GRM7: variants seen among roughly 807,000 people sequenced by gnomAD.
GRM7 encodes the protein glutamate metabotropic receptor 7.
GRM7 carries 35 observed loss-of-function variants against 84.5 expected under a neutral mutation model. That is an observed-to-expected ratio of 0.41 (90% CI 0.32 to 0.55). The LOEUF is 0.55. Ranked by LOEUF, GRM7 falls within the 20% of genes least tolerant of loss-of-function variation. The pLI is 0.19. For missense variants in GRM7, 1,003 were observed against 1,194.6 expected (o/e 0.84, Z 2.36); for synonymous variants, 487 against 455.1 (o/e 1.07, Z -0.89).
chr3:7,616,943 A>G (rs1452554411), intron 8 of GRM7, among the ~76,000 whole-genome samples: 1 of 152,182 alleles, frequency 6.6e-6, no homozygotes, highest in Non-Finnish European at 1.5e-5. Context: ...ATGGAATTAA[A>G]CTAAGTCTAA....
chr3:7,321,876 T>G (rs146222826), intron 4 of GRM7, among the ~76,000 whole-genome samples: 1 of 152,256 alleles, frequency 6.6e-6, no homozygotes, highest in East Asian at 1.9e-4. Context: ...ATTTCAACTA[T>G]CGACATCATT....
chr3:7,350,969 T>C (rs1439759335), intron 4 of GRM7, among the ~76,000 whole-genome samples: 1 of 152,104 alleles, frequency 6.6e-6, no homozygotes, highest in Non-Finnish European at 1.5e-5. Flanking sequence ...GTAAATCTCC[T>C]TTCATCATTG....
chr3:7,431,702 A>C (rs1696836766), intron 5 of GRM7, among the ~76,000 whole-genome samples: 1 of 152,198 alleles, frequency 6.6e-6, no homozygotes, highest in Non-Finnish European at 1.5e-5. Context: ...TAAGTGAGAT[A>C]ATGAATGTAA....
chr3:7,036,446 G>T (rs1696387399), intron 1 of GRM7, among the ~76,000 whole-genome samples: 1 of 152,020 alleles, frequency 6.6e-6, no homozygotes, highest in Admixed American at 6.6e-5. Flanking sequence ...GATATGGAGG[G>T]TCATCATCTT....
At chr3:7,729,908 T>A (rs191326180) in intron 9 of GRM7, among the ~76,000 whole-genome samples, 1 of 127,170 alleles carries the variant, frequency 7.9e-6, no homozygotes, top group Non-Finnish European at 1.6e-5. Flanking sequence ...GAAGTCTTGC[T>A]CTGTCGCCCA....
rs1268172995 is a variant in GRM7 at position 6,862,102 on chromosome 3, C to G, written c.519+195C>G. ...TGGTTTATTTCCCTTCCATCTCTCC[C>G]CTGTCCACGCTCCACTCCATCCGGC... On this transcript the variant is annotated intron_variant, in intron 1 of 9. Coordinates refer to ENST00000357716, the MANE Select transcript of GRM7 (RefSeq NM_000844.4). The surrounding 1 kb of genome is among the most constrained non-coding windows in gnomAD (Gnocchi z 5.2). 2.0e-5 allele frequency among the ~76,000 whole-genome samples: 3 copies of G among 152,036 alleles called. No homozygotes were observed. Among genetic ancestry groups the G allele is most frequent in the Non-Finnish European group, 4.4e-5 (3 of 68,010 alleles).
At chr3:7,089,384 G>T (rs993038769) in intron 1 of GRM7, among the ~76,000 whole-genome samples, 1 of 152,272 alleles carries the variant, frequency 6.6e-6, no homozygotes, top group Admixed American at 6.5e-5. Context: ...TTTTAAGGCT[G>T]TTTGTGTTTC....
intron 1 of GRM7, among the ~76,000 whole-genome samples, chr3:7,029,682 A>T (rs1039183916): frequency 3.0e-4 from 46 of 152,296 alleles, no homozygotes; most frequent in Middle Eastern, 3.4e-3. Flanking sequence ...AAGTTGAATG[A>T]TGGTTGCTGG....
At chr3:7,059,443 A>G (rs1697352342) in intron 1 of GRM7, among the ~76,000 whole-genome samples, 1 of 151,852 alleles carries the variant, frequency 6.6e-6, no homozygotes. Context: ...CTTTCATTAT[A>G]TGTAAAAACA....
chr3:6,861,153 G>A lies in GRM7; in HGVS notation c.-236G>A, dbSNP rs1171726676. 1.6e-5 allele frequency: 7 copies of A among 429,968 alleles called. No individual in the cohort carries two copies. Among genetic ancestry groups the A allele is most frequent in the Non-Finnish European group, 2.8e-5 (7 of 246,492 alleles). The allele number at this position is 429,968 out of a possible 1,614,324, so 26.6% of individuals were successfully genotyped here. On this transcript the variant is annotated 5_prime_UTR_variant, in exon 1 of 10. Transcript: ENST00000357716. This position sits in a 1 kb window ranked among gnomAD's most constrained non-coding sequence, Gnocchi z 6.4. Reference sequence around the variant, plus strand: ...TGGAGAGAGCGAGCAGCAAGCCGGTGAGCGCGAGCGCGGCGCGCCGGCCGG... The same window carrying A: ...TGGAGAGAGCGAGCAGCAAGCCGGTAAGCGCGAGCGCGGCGCGCCGGCCGG...
chr3:7,015,226 A>C (rs1695521716), intron 1 of GRM7, among the ~76,000 whole-genome samples: 2 of 146,940 alleles, frequency 1.4e-5, no homozygotes, highest in East Asian at 2.0e-4. Context: ...GCTGCTGCTC[A>C]CTCTTTGGGT....
chr3:7,063,966 T>C (rs1697527443), intron 1 of GRM7, among the ~76,000 whole-genome samples: 1 of 148,514 alleles, frequency 6.7e-6, no homozygotes, highest in African/African-American at 2.5e-5. Context: ...GAGCAAAAGG[T>C]GGTGGGTATG....
chr3:7,512,320 GTTA>G lies in GRM7; in HGVS notation c.1515+50604_1515+50606del, dbSNP rs573836007. 2.4e-4 allele frequency among the ~76,000 whole-genome samples: 36 copies of G among 152,252 alleles called. No homozygotes were observed. In the South Asian group the frequency reaches 5.4e-3, roughly 23 times the overall value. On this transcript the variant is annotated intron_variant, in intron 7 of 9. Coordinates refer to ENST00000357716, the MANE Select transcript of GRM7 (RefSeq NM_000844.4). ...AAGCTTGAAAAAAGATGAAAATTCA[GTTA>G]TTATTTTTTAAGTGAAGTGTAATAG...
intron 8 of GRM7, among the ~76,000 whole-genome samples, chr3:7,620,807 C>G (rs1697323178): frequency 6.6e-6 from 1 of 152,108 alleles, no homozygotes; most frequent in Non-Finnish European, 1.5e-5. Flanking sequence ...CATCTTCTTG[C>G]CTGTTACGCT....
chr3:6,962,575 A>C (rs1391674018), intron 1 of GRM7, among the ~76,000 whole-genome samples: 3 of 152,226 alleles, frequency 2.0e-5, no homozygotes, highest in African/African-American at 7.2e-5. Flanking sequence ...ATAATGAATA[A>C]TGATGACATA....
chr3:6,940,306 G>A (rs1469731007), intron 1 of GRM7, among the ~76,000 whole-genome samples: 1 of 152,086 alleles, frequency 6.6e-6, no homozygotes, highest in Non-Finnish European at 1.5e-5. Flanking sequence ...TGGCCAGGAT[G>A]GTCTCGATCT....
At chr3:7,454,215 T>C (rs1697912186) in intron 6 of GRM7, among the ~76,000 whole-genome samples, 1 of 152,054 alleles carries the variant, frequency 6.6e-6, no homozygotes, top group Non-Finnish European at 1.5e-5. Context: ...TAAACATATT[T>C]CTCAAAGTAC....
At chr3:7,627,830 G>A (rs777431794) in intron 8 of GRM7, among the ~76,000 whole-genome samples, 7 of 152,064 alleles carry the variant, frequency 4.6e-5, no homozygotes, top group Non-Finnish European at 8.8e-5. Context: ...GTGTATCTGC[G>A]TCCAAATTTC....
chr3:7,439,752 G>C (rs1011198981), intron 5 of GRM7, among the ~76,000 whole-genome samples: 3 of 152,144 alleles, frequency 2.0e-5, no homozygotes, highest in Non-Finnish European at 2.9e-5. Context: ...ATAGAGCCCT[G>C]GGGGAAGCAG....
Sources: allele counts gnomAD v4.1 joint callset (sites outside exome capture counted in the v4.1 genomes callset), GRCh38; gene constraint gnomAD v4.1.1; non-coding constraint Gnocchi (gnomAD v3.1); transcripts MANE v1.5; gene names NCBI Gene and HGNC (gene_info 2026-07-23, HGNC 2026-07-21).